FDFT1: variants seen among roughly 807,000 people sequenced by gnomAD.
FDFT1 encodes farnesyl-diphosphate farnesyltransferase 1, also known as squalene synthase.
In FDFT1, 68 loss-of-function variants were observed where a neutral mutation model predicts 46.8. That is an observed-to-expected ratio of 1.45 (90% CI 1.19 to 1.78). The LOEUF (loss-of-function observed/expected upper bound fraction) is 1.78, where lower values mean the gene tolerates loss of function less well. Among genes scored for constraint, FDFT1 ranks in the 40% most tolerant of loss-of-function variants. The pLI is 0.00. For synonymous variants in FDFT1, 351 were observed against 185.1 expected (o/e 1.90, Z -7.28); for missense variants, 928 against 524.4 (o/e 1.77, Z -7.52).
At chr8:11,815,456 C>T (rs1429754959) in intron 3 of FDFT1, among the ~76,000 whole-genome samples, 1 of 152,178 alleles carries the variant, frequency 6.6e-6, no homozygotes, top group Admixed American at 6.5e-5. Context: ...CTGTCTTCCA[C>T]AATGGTTGAA....
In FDFT1 at chr8:11,826,210, C is replaced by G. The variant is rs915720747; in HGVS notation, c.697C>G (p.Gln233Glu). 3 of 1,532,762 alleles carry G rather than the reference C, an allele frequency of 2.0e-6. No homozygotes were observed. The highest frequency in any genetic ancestry group is 1.8e-6 in the Non-Finnish European group (2 of 1,125,948). The allele number at this position is 1,532,762 out of a possible 1,614,324, so 94.9% of individuals were successfully genotyped here. Residue 233 changes from glutamine to glutamate, a missense_variant, in exon 5 of 8, where the codon CAA (glutamine) becomes GAA (glutamate). Transcript: ENST00000220584. Reference protein sequence around the residue: ...DQQGGREFWPQEVWSRYVKKL... With the variant: ...DQQGGREFWPEEVWSRYVKKL... The stretch of plus-strand genomic sequence containing the variant: ...GCAAGGAGGAAGAGAGTTCTGGCCT[C>G]AAGAGGTAACAGATTCAGGGTATTT...
chr8:11,800,484 G>A (rs1234535943), upstream of FDFT1, among the ~76,000 whole-genome samples: 2 of 151,924 alleles, frequency 1.3e-5, no homozygotes, highest in African/African-American at 4.8e-5. Flanking sequence ...TATTTGTCCC[G>A]ATTGGCTAGC....
intron 3 of FDFT1, among the ~76,000 whole-genome samples, chr8:11,812,459 G>T (rs965969249): frequency 6.6e-6 from 1 of 152,146 alleles, no homozygotes; most frequent in African/African-American, 2.4e-5. Context: ...GAGAGAGCGG[G>T]ATTCAGGAAG....
chr8:11,811,477 G>A (rs968650797), intron 3 of FDFT1, among the ~76,000 whole-genome samples: 2 of 152,216 alleles, frequency 1.3e-5, no homozygotes, highest in East Asian at 1.9e-4. Flanking sequence ...CCCCTCAGCA[G>A]AAGTGAGGGA....
At chr8:11,829,464 G>C (rs1465943285) in intron 5 of FDFT1, among the ~76,000 whole-genome samples, 1 of 152,318 alleles carries the variant, frequency 6.6e-6, no homozygotes, top group East Asian at 1.9e-4. Context: ...TCATTTCCCA[G>C]CTATGCCTTT....
At chr8:11,800,646 A>G (rs992644444), upstream of FDFT1, among the ~76,000 whole-genome samples, 1 of 152,264 alleles carries the variant, frequency 6.6e-6, no homozygotes, top group East Asian at 1.9e-4. Flanking sequence ...TAAGCATGCC[A>G]GGGCAAATAT....
intron 3 of FDFT1, among the ~76,000 whole-genome samples, chr8:11,817,796 C>CAA (rs949685849): frequency 6.6e-6 from 1 of 150,452 alleles, no homozygotes; most frequent in Admixed American, 6.6e-5. Context: ...TTGATCTTTT[C>CAA]AAAAAACCAG....
At chr8:11,830,160 T>C in intron 5 of FDFT1, 84 bp from the exon 6 acceptor site, 2 of 1,140,406 alleles carry the variant, frequency 1.8e-6, no homozygotes, top group Non-Finnish European at 2.7e-6. Context: ...TCATAGTTCT[T>C]ATGCACAAAG....
chr8:11,802,859 C>T lies in FDFT1; in HGVS notation c.27C>T (p.His9=), dbSNP rs1403648722. MEFVKCLG[H]PEEFYNLVRF... Reference sequence around the variant, plus strand: ...TGGAGTTCGTGAAATGCCTTGGCCACCCCGAAGAGTTCTACAACCTGGTGC... The same window carrying T: ...TGGAGTTCGTGAAATGCCTTGGCCATCCCGAAGAGTTCTACAACCTGGTGC... Residue 9 remains histidine, a synonymous_variant, in exon 1 of 8, where the codon CAC becomes CAT. Coordinates refer to ENST00000220584, the MANE Select transcript of FDFT1 (RefSeq NM_004462.5). 2 of 1,611,902 alleles carry T rather than the reference C, an allele frequency of 1.2e-6. No homozygotes were observed. The highest frequency in any genetic ancestry group is 1.1e-5 in the South Asian group (1 of 90,580).
At chr8:11,827,209 C>G (rs1225579349) in intron 5 of FDFT1, among the ~76,000 whole-genome samples, 1 of 151,952 alleles carries the variant, frequency 6.6e-6, no homozygotes, top group African/African-American at 2.4e-5. Context: ...AGTGTGGTGT[C>G]TCATACTTAT....
chr8:11,838,654 CT>C lies in FDFT1; in HGVS notation c.*52del. ...TGAAGTCCACCATAAAGTGGATTTA[CT>C]TTTTTTCTTTAAGGATGGATGTTGT... On this transcript the variant is annotated 3_prime_UTR_variant, in exon 8 of 8. Transcript: ENST00000220584. 1 of 1,430,440 alleles carries C rather than the reference CT, an allele frequency of 7.0e-7. No individual in the cohort carries two copies. Among genetic ancestry groups the C allele is most frequent in the Non-Finnish European group, 9.9e-7 (1 of 1,013,084 alleles). 88.6% of individuals were successfully genotyped at this position (1,430,440 alleles called of 1,614,324 possible).
At chr8:11,831,247 T>A (rs1447793013) in intron 6 of FDFT1, among the ~76,000 whole-genome samples, 1 of 152,252 alleles carries the variant, frequency 6.6e-6, no homozygotes, top group African/African-American at 2.4e-5. Context: ...TTACTTGTGT[T>A]TGCTTTTTCC....
At chr8:11,831,311 T>C (rs1810748151) in intron 6 of FDFT1, among the ~76,000 whole-genome samples, 1 of 152,248 alleles carries the variant, frequency 6.6e-6, no homozygotes, top group Non-Finnish European at 1.5e-5. Context: ...GACTGCTTAA[T>C]TCTGTGTGTT....
Position 11,839,052 on chromosome 8 carries a change from T to C in FDFT1, c.*443T>C, listed in dbSNP as rs1467867652. The C allele has an allele frequency of 1.2e-5, 2 of 173,784 alleles. No homozygotes were observed. The highest frequency in any genetic ancestry group is 2.4e-4 in the South Asian group (2 of 8,296). The allele number at this position is 173,784 out of a possible 1,614,324, so 10.8% of individuals were successfully genotyped here. ...TTTCTCATCATTTTGTTTTCTTTAA[T>C]TGGGTTGAATGGAGTAGATAGAAAT... On this transcript the variant is annotated 3_prime_UTR_variant, in exon 8 of 8. Transcript: ENST00000220584.
At chr8:11,810,223 C>T (rs779114209) in intron 3 of FDFT1, among the ~76,000 whole-genome samples, 2 of 152,202 alleles carry the variant, frequency 1.3e-5, no homozygotes, top group Non-Finnish European at 1.5e-5. Flanking sequence ...GTGTTTCTTC[C>T]TGTGGGAAGA....
chr8:11,802,134 C>A, upstream of FDFT1: 3 of 454,016 alleles, frequency 6.6e-6, no homozygotes, highest in Non-Finnish European at 1.3e-5. Flanking sequence ...AGCTGAAGCT[C>A]CAGGAGTGTG....
intron 2 of FDFT1, chr8:11,809,259 C>G (rs1619667): frequency 0.59 from 665,290 of 1,133,882 alleles, 196,210 homozygotes; most frequent in East Asian, 0.68. Context: ...CCTCTGTGCA[C>G]ATTACACCCA....
chr8:11,823,770 G>C (rs1243343250), intron 4 of FDFT1, among the ~76,000 whole-genome samples: 2 of 152,034 alleles, frequency 1.3e-5, no homozygotes, highest in African/African-American at 4.8e-5. Context: ...TTGAGACAGG[G>C]TATTGCTCTG....
At chr8:11,801,450 G>C (rs1335771394), upstream of FDFT1, among the ~76,000 whole-genome samples, 1 of 152,194 alleles carries the variant, frequency 6.6e-6, no homozygotes, top group Non-Finnish European at 1.5e-5. Context: ...CTCCCAGGTA[G>C]CTGGGATTAT....
Sources: gnomAD v4.1 joint callset for allele counts (sites outside exome capture counted in the v4.1 genomes callset) on GRCh38, gnomAD v4.1.1 for gene constraint, MANE v1.5 for transcripts, NCBI Gene and HGNC (gene_info 2026-07-23, HGNC 2026-07-21) for gene names.